Variants in CCDC88A observed in about 807,000 individuals in gnomAD.
The protein encoded by CCDC88A is coiled-coil and HOOK domain protein 88A, also known as girdin.
A neutral mutation model predicts 234.3 loss-of-function variants in CCDC88A; 54 were observed. The ratio of observed to expected loss-of-function variants is 0.23; its 90% CI spans 0.19 to 0.29. The LOEUF is 0.29. Among genes scored for constraint, CCDC88A ranks in the 10% least tolerant of loss-of-function variants. The pLI, the probability that CCDC88A is intolerant of heterozygous loss-of-function variation, is 1.00. For synonymous variants in CCDC88A, 753 were observed against 737.8 expected, an observed-to-expected ratio of 1.02 and a Z score of -0.33; for missense variants, 1,832 against 2,123.4, an observed-to-expected ratio of 0.86 and a Z score of 2.70.
At chr2:55,326,280 A>C (rs1352210463) in intron 17 of CCDC88A, among the ~76,000 whole-genome samples, 1 of 152,052 alleles carries the variant, frequency 6.6e-6, no homozygotes, top group Non-Finnish European at 1.5e-5. Context: ...AGCCTTCCAA[A>C]GTGCTGGGAT....
At chr2:55,416,445 T>TAA (rs1448606361) in intron 2 of CCDC88A, among the ~76,000 whole-genome samples, 39 of 49,912 alleles carry the variant, frequency 7.8e-4, no homozygotes, top group South Asian at 4.0e-3. Flanking sequence ...AATAAATAAA[T>TAA]ATATATATAT....
In CCDC88A at chr2:55,309,103, T is replaced by C; in HGVS notation, c.4172+59A>G. 1 of 1,441,588 alleles carries C rather than the reference T, an allele frequency of 6.9e-7. No individual in the cohort carries two copies. The highest frequency in any genetic ancestry group is 9.7e-7 in the Non-Finnish European group (1 of 1,032,092). 89.3% of individuals were successfully genotyped at this position (1,441,588 alleles called of 1,614,324 possible). On this transcript the variant is annotated intron_variant, in intron 24 of 32. Coordinates refer to ENST00000436346, the MANE Select transcript of CCDC88A (RefSeq NM_001365480.1). This position sits in a 1 kb window ranked among gnomAD's most constrained non-coding sequence, Gnocchi z 5.1. Reference sequence around the variant, plus strand: ...ACAAAAGTAGAAGTCATCACAATATTAGAAATAACCTAGTGTTTTTTTTCA... The same window carrying C: ...ACAAAAGTAGAAGTCATCACAATATCAGAAATAACCTAGTGTTTTTTTTCA...
rs771569271 is a variant in CCDC88A, at chr2:55,308,816, T to C, written c.4380A>G (p.Lys1460=). ...AAGAGTTTAAGCACTCACTGCTGCT[T>C]TTCTTGGTCCCCAAGGTCTGGCCAT... The part of the protein sequence containing the change: ...LEDGQTLGTK[K]SSMVALKRLP... The change falls in exon 25 of 33, where the codon AAA becomes AAG. Residue 1460 remains lysine, a synonymous_variant. Transcript: ENST00000436346. 1.9e-6 allele frequency: 3 copies of C among 1,613,348 alleles called. No individual in the cohort carries two copies. Among genetic ancestry groups the C allele is most frequent in the South Asian group, 2.2e-5 (2 of 91,030 alleles).
In CCDC88A at chr2:55,328,333, G is replaced by A; in HGVS notation, c.2958C>T (p.Ser986=). The change falls in exon 17 of 33, where the codon TCC becomes TCT. Residue 986 remains serine (S), a synonymous_variant. Transcript: ENST00000436346. The surrounding 1 kb of genome is among the most constrained non-coding windows in gnomAD (Gnocchi z 4.3). The stretch of plus-strand genomic sequence containing the variant: ...GGCGCAATTGCTGGTTATAATTCGT[G>A]GATTCTTCTAATCGAGCTTCTAAAG... ...IAALEARLEE[S]TNYNQQLRQE... is the part of the protein sequence containing the mutation. 6.3e-7 allele frequency: 1 copy of A among 1,598,310 alleles called. No homozygotes were observed. The highest frequency in any genetic ancestry group is 1.7e-5 in the Admixed American group (1 of 57,534).
intron 2 of CCDC88A, among the ~76,000 whole-genome samples, chr2:55,396,359 C>T (rs577902758): frequency 7.2e-5 from 11 of 152,244 alleles, no homozygotes; most frequent in African/African-American, 2.2e-4. Context: ...CTTTATTCTA[C>T]ATTTGAATCC....
intron 3 of CCDC88A, among the ~76,000 whole-genome samples, chr2:55,386,093 T>G (rs889522161): frequency 1.3e-4 from 20 of 151,514 alleles, no homozygotes; most frequent in Admixed American, 6.6e-5. Context: ...CGTGGTGGCA[T>G]GTACCTGTAA....
intron 2 of CCDC88A, among the ~76,000 whole-genome samples, chr2:55,391,143 G>C (rs759826937): frequency 1.3e-5 from 2 of 152,204 alleles, no homozygotes; most frequent in African/African-American, 2.4e-5. Flanking sequence ...CTGACAAGTA[G>C]AGTGGAGTAG....
intron 25 of CCDC88A, chr2:55,306,270 A>G (rs1293537655): frequency 6.6e-6 from 1 of 152,172 alleles, no homozygotes; most frequent in Non-Finnish European, 1.5e-5. Context: ...AACAGATAAA[A>G]TTAAGTTATC....
At position 55,343,684 on chromosome 2, in the gene CCDC88A, G is replaced by C. The variant is rs991560211; in HGVS notation, c.1297C>G (p.Leu433Val). 6.2e-7 allele frequency: 1 copy of C among 1,610,964 alleles called. No individual in the cohort carries two copies. The highest frequency in any genetic ancestry group is 8.5e-7 in the Non-Finnish European group (1 of 1,178,492). The change falls in exon 12 of 33, where the codon CTG becomes GTG. Residue 433 changes from leucine (L) to valine (V), a missense_variant. Leu to Val is a conservative substitution (Grantham distance 32). Transcript: ENST00000436346. The stretch of plus-strand genomic sequence containing the variant: ...TCACTAGTTCTGGATATCTGTTCCA[G>C]TTCCCAGCCAAGATGTAATGATTCA... The part of the protein sequence containing the change: ...MDESLHLGWE[L>V]EQISRTSELS...
intron 7 of CCDC88A, among the ~76,000 whole-genome samples, chr2:55,358,022 C>T (rs954185387): frequency 6.6e-6 from 1 of 152,148 alleles, no homozygotes; most frequent in Non-Finnish European, 1.5e-5. Flanking sequence ...CAACTCCTCC[C>T]CGCTTTTACT....
chr2:55,400,677 A>G (rs917171057), intron 2 of CCDC88A, among the ~76,000 whole-genome samples: 2 of 152,364 alleles, frequency 1.3e-5, no homozygotes, highest in Admixed American at 6.5e-5. Flanking sequence ...TTATATCTTT[A>G]CTTATTCATT....
chr2:55,326,665 C>T lies in CCDC88A; in HGVS notation c.2997+1629G>A, dbSNP rs113632901. The stretch of plus-strand genomic sequence containing the variant: ...GCAACCTCTACCTCCTGGATTCAAG[C>T]GATTCTCCTGCCTCAGCCTCCTGGG... On this transcript the variant is annotated intron_variant, in intron 17 of 32. Coordinates refer to ENST00000436346, the MANE Select transcript of CCDC88A (RefSeq NM_001365480.1). Among the ~76,000 whole-genome samples the T allele has an allele frequency of 5.7e-3, 861 of 152,174 alleles. 7 individuals are homozygous for T. Among genetic ancestry groups the T allele is most frequent in the African/African-American group, 0.018 (750 of 41,510 alleles).
At chr2:55,321,953 T>G (rs1558664543) in intron 18 of CCDC88A, among the ~76,000 whole-genome samples, 1 of 151,922 alleles carries the variant, frequency 6.6e-6, no homozygotes, top group Non-Finnish European at 1.5e-5. Flanking sequence ...CCACAACTAT[T>G]TTACTTGTTA....
At chr2:55,352,435 A>AC (rs1349580953) in intron 8 of CCDC88A, among the ~76,000 whole-genome samples, 1 of 149,688 alleles carries the variant, frequency 6.7e-6, no homozygotes, top group Non-Finnish European at 1.5e-5. Context: ...TCAAAAAAAA[A>AC]ACACACAAAA....
chr2:55,318,384 T>A (rs1683221025), intron 19 of CCDC88A, among the ~76,000 whole-genome samples: 1 of 151,840 alleles, frequency 6.6e-6, no homozygotes, highest in Non-Finnish European at 1.5e-5. Context: ...AGAGTTGAAC[T>A]TTTCCCCACC....
intron 2 of CCDC88A, among the ~76,000 whole-genome samples, chr2:55,397,880 A>T (rs1399735228): frequency 1.3e-5 from 2 of 152,140 alleles, no homozygotes; most frequent in Non-Finnish European, 2.9e-5. Context: ...AAAAAAATTA[A>T]TGTTTTATAT....
At chr2:55,377,901 G>A (rs566447651) in intron 3 of CCDC88A, among the ~76,000 whole-genome samples, 22 of 152,136 alleles carry the variant, frequency 1.4e-4, no homozygotes, top group Non-Finnish European at 2.6e-4. Context: ...CCACCGCACC[G>A]GGCCGGGAAG....
At chr2:55,409,356 G>A (rs561172587) in intron 2 of CCDC88A, among the ~76,000 whole-genome samples, 12 of 152,126 alleles carry the variant, frequency 7.9e-5, no homozygotes, top group Non-Finnish European at 1.3e-4. Context: ...CTCATGTCCA[G>A]CTCAAACATC....
At chr2:55,372,342 T>C (rs1672970611) in intron 5 of CCDC88A, 110 bp downstream of exon 5, 1 of 560,396 alleles carries the variant, frequency 1.8e-6, no homozygotes, top group Non-Finnish European at 3.2e-6. Flanking sequence ...TTTTCTAACA[T>C]GGACTTTGAA....
Sources: gnomAD v4.1 joint callset for allele counts (sites outside exome capture counted in the v4.1 genomes callset) on GRCh38, gnomAD v4.1.1 for gene constraint, Gnocchi (gnomAD v3.1) non-coding constraint, MANE v1.5 for transcripts, NCBI Gene and HGNC (gene_info 2026-07-23, HGNC 2026-07-21) for gene names.